Variants in F13B observed in about 807,000 individuals in gnomAD.
F13B encodes the protein coagulation factor XIII B chain.
A neutral mutation model predicts 79.8 loss-of-function variants in F13B; 58 were observed. That is an observed-to-expected ratio of 0.73 (90% CI 0.59 to 0.90). The LOEUF is 0.90. Ranked by LOEUF, F13B falls within the 40% of genes least tolerant of loss-of-function variation. F13B has a pLI of 0.00. For missense variants in F13B, 773 were observed against 777.0 expected, an observed-to-expected ratio of 0.99 and a Z score of 0.06; for synonymous variants, 283 against 260.3, an observed-to-expected ratio of 1.09 and a Z score of -0.84.
chr1:197,059,745 A>G (rs930952987), intron 5 of F13B, among the ~76,000 whole-genome samples: 3 of 152,104 alleles, frequency 2.0e-5, no homozygotes, highest in Non-Finnish European at 2.9e-5. Flanking sequence ...TACTGTTTTC[A>G]TATCTTCTGC....
intron 10 of F13B, among the ~76,000 whole-genome samples, chr1:197,046,050 C>T (rs1655217269): frequency 6.6e-6 from 1 of 152,134 alleles, no homozygotes; most frequent in Non-Finnish European, 1.5e-5. Context: ...AAACCCACCA[C>T]CAATATCTTA....
chr1:197,062,417 A>G (rs527412865), intron 2 of F13B, among the ~76,000 whole-genome samples: 3 of 152,294 alleles, frequency 2.0e-5, no homozygotes, highest in South Asian at 2.1e-4. Context: ...ACATTTTTCA[A>G]TGGGTATCAT....
intron 11 of F13B, chr1:197,040,248 A>G: frequency 2.6e-6 from 1 of 386,596 alleles, no homozygotes; most frequent in Non-Finnish European, 4.7e-6. Context: ...ACATTGAAAT[A>G]TTGCACGTAT....
chr1:197,062,966 G>T lies in F13B; in HGVS notation c.156C>A (p.Asp52Glu). Reference protein sequence around the residue: ...FKSFYFPMSIDKKLSFFCLAG... With the variant: ...FKSFYFPMSIEKKLSFFCLAG... ...CCAAGCAGAAAAATGACAATTTTTT[G>T]TCTATGCTCATTGGAAAGTAAAAGC... The change falls in exon 2 of 12, where the codon GAC becomes GAA. Residue 52 changes from aspartate (D) to glutamate (E), a missense_variant. Asp to Glu is a conservative substitution (Grantham distance 45). Coordinates refer to ENST00000367412, the MANE Select transcript of F13B (RefSeq NM_001994.3). The T allele has an allele frequency of 6.2e-7, 1 of 1,613,680 alleles. No homozygotes were observed. The highest frequency in any genetic ancestry group is 8.5e-7 in the Non-Finnish European group (1 of 1,179,716).
chr1:197,040,577 T>C lies in F13B; in HGVS notation c.1897A>G (p.Arg633Gly). Residue 633 changes from arginine to glycine, a missense_variant, in exon 11 of 12, where the codon AGA (arginine) becomes GGA (glycine). Physicochemically the swap from Arg to Gly is moderately radical, Grantham distance 125. Coordinates refer to ENST00000367412, the MANE Select transcript of F13B (RefSeq NM_001994.3). ...AELYITGSIL[R>G]MQCDRGQLKY... ...AACTGCCCTCTGTCACATTGCATTC[T>C]AAGTATAGATCCAGTAATATATAAT... 6.2e-7 allele frequency: 1 copy of C among 1,613,100 alleles called. No homozygotes were observed. The highest frequency in any genetic ancestry group is 2.2e-5 in the East Asian group (1 of 44,784).
At chr1:197,056,286 C>T (rs372848209) in intron 7 of F13B, among the ~76,000 whole-genome samples, 1 of 152,070 alleles carries the variant, frequency 6.6e-6, no homozygotes. Context: ...CTCAATAGAC[C>T]CATGAAGGAA....
chr1:197,050,342 A>G (rs1277588493), intron 10 of F13B, among the ~76,000 whole-genome samples: 5 of 152,040 alleles, frequency 3.3e-5, no homozygotes, highest in Non-Finnish European at 7.4e-5. Context: ...CCATTTCTTT[A>G]TTTCCGCATT....
At chr1:197,062,660 A>G (rs1300361997) in intron 2 of F13B, among the ~76,000 whole-genome samples, 197 bp downstream of exon 2, 3 of 152,170 alleles carry the variant, frequency 2.0e-5, no homozygotes, top group African/African-American at 7.2e-5. Flanking sequence ...ACAGATACAG[A>G]AAATAACATT....
chr1:197,047,922 T>G (rs936877180), intron 10 of F13B, among the ~76,000 whole-genome samples: 1 of 152,052 alleles, frequency 6.6e-6, no homozygotes, highest in Non-Finnish European at 1.5e-5. Context: ...TTCTCACTCA[T>G]AGGTGAGTGT....
intron 10 of F13B, among the ~76,000 whole-genome samples, chr1:197,045,748 C>T (rs780244472): frequency 3.9e-5 from 6 of 152,120 alleles, no homozygotes; most frequent in Non-Finnish European, 8.8e-5. Flanking sequence ...TGATGAACAT[C>T]GATGTGAAAA....
Position 197,060,370 on chromosome 1 carries a change from G to T in F13B, c.801C>A (p.Cys267Ter), listed in dbSNP as rs776858936. 1 of 1,609,722 alleles carries T rather than the reference G, an allele frequency of 6.2e-7. No individual in the cohort carries two copies. Among genetic ancestry groups the T allele is most frequent in the Non-Finnish European group, 8.5e-7 (1 of 1,176,694 alleles). The change falls in exon 5 of 12, where the codon TGC becomes TGA. Residue 267 changes from cysteine (C) to a stop codon, truncating the protein, a stop_gained. Transcript: ENST00000367412. LOFTEE classifies it high-confidence loss of function. ...GTATTAAATTTAAAAATTTACCTTC[G>T]CATACAGGAGATTCTGGGTACCAAC... ...NFGWYPESPV[C>*]EGRRNRCPPP...
chr1:197,055,654 A>G (rs1462695258), intron 8 of F13B, 61 bp downstream of exon 8: 1 of 1,524,136 alleles, frequency 6.6e-7, no homozygotes. Flanking sequence ...ATGATATAAA[A>G]CACTGTAAGA....
intron 5 of F13B, among the ~76,000 whole-genome samples, chr1:197,058,976 G>A (rs1426331727): frequency 3.3e-5 from 5 of 152,136 alleles, no homozygotes; most frequent in African/African-American, 1.2e-4. Context: ...CACTTTGAGA[G>A]GCTGAGGCAG....
At chr1:197,065,652 A>G (rs895317442) in intron 1 of F13B, among the ~76,000 whole-genome samples, 4 of 152,104 alleles carry the variant, frequency 2.6e-5, no homozygotes, top group Non-Finnish European at 5.9e-5. Flanking sequence ...ACAAGAATAG[A>G]CTCAATAATG....
chr1:197,044,802 A>G (rs1217686242), intron 10 of F13B, among the ~76,000 whole-genome samples: 2 of 152,146 alleles, frequency 1.3e-5, no homozygotes, highest in Non-Finnish European at 2.9e-5. Context: ...AATCACAACA[A>G]ACTGTCTCTC....
At position 197,062,932 on chromosome 1, in the gene F13B, T is replaced by C; in HGVS notation, c.190A>G (p.Thr64Ala). Residue 64 changes from threonine to alanine, a missense_variant, in exon 2 of 12, where the codon ACC (threonine) becomes GCC (alanine). By Grantham distance (58) the Thr-to-Ala change is moderately conservative. Coordinates refer to ENST00000367412, the MANE Select transcript of F13B (RefSeq NM_001994.3). ...TCTTCTTGTCTTCCACTTTCAGTGG[T>C]ATAACCAGCCAAGCAGAAAAATGAC... ...KLSFFCLAGYTTESGRQEEQT... is the reference protein window; with the variant it reads ...KLSFFCLAGYATESGRQEEQT... 6.2e-7 allele frequency: 1 copy of C among 1,613,856 alleles called. No individual in the cohort carries two copies. The highest frequency in any genetic ancestry group is 1.1e-5 in the South Asian group (1 of 91,082).
At chr1:197,040,288 T>G in intron 11 of F13B, 1 of 483,012 alleles carries the variant, frequency 2.1e-6, no homozygotes, top group Non-Finnish European at 3.7e-6. Context: ...TTTGCCAAAG[T>G]GTCACAAATA....
In F13B at chr1:197,039,154, AGACATAC is replaced by A; in HGVS notation, c.*217_*223del. 3 of 506,178 alleles carry A rather than the reference AGACATAC, an allele frequency of 5.9e-6. No homozygotes were observed. Among genetic ancestry groups the A allele is most frequent in the Non-Finnish European group, 7.0e-6 (2 of 285,180 alleles). 31.4% of individuals were successfully genotyped at this position (506,178 alleles called of 1,614,324 possible). Reference sequence around the variant, plus strand: ...TGTAGATTAATTTGTAACAGATGGAAGACATACAAAAGAGATTAAGTTCTACATCAAA... The same window carrying A: ...TGTAGATTAATTTGTAACAGATGGAAAAAAGAGATTAAGTTCTACATCAAA... On this transcript the variant is annotated 3_prime_UTR_variant, in exon 12 of 12. Transcript: ENST00000367412.
chr1:197,059,863 G>A (rs552787250), intron 5 of F13B, among the ~76,000 whole-genome samples: 9 of 152,252 alleles, frequency 5.9e-5, no homozygotes, highest in African/African-American at 2.2e-4. Flanking sequence ...TAATAGAAAT[G>A]TGACCATAGA....
Sources: allele counts gnomAD v4.1 joint callset (sites outside exome capture counted in the v4.1 genomes callset), GRCh38; gene constraint gnomAD v4.1.1; transcripts MANE v1.5; gene names NCBI Gene and HGNC (gene_info 2026-07-23, HGNC 2026-07-21).